DCBLD2: variants seen among roughly 807,000 people sequenced by gnomAD.
DCBLD2 encodes the protein discoidin, CUB and LCCL domain containing 2.
DCBLD2 carries 54 observed loss-of-function variants against 86.8 expected under a neutral mutation model. The ratio of observed to expected loss-of-function variants is 0.62; its 90% CI spans 0.50 to 0.78. DCBLD2 has a LOEUF of 0.78. Among genes scored for constraint, DCBLD2 ranks in the 30% least tolerant of loss-of-function variants. DCBLD2 has a pLI of 0.00. For missense variants in DCBLD2, 908 were observed against 954.2 expected, an observed-to-expected ratio of 0.95 and a Z score of 0.64; for synonymous variants, 354 against 341.3, an observed-to-expected ratio of 1.04 and a Z score of -0.41.
At chr3:98,841,158 A>G (rs563409161) in intron 3 of DCBLD2, among the ~76,000 whole-genome samples, 1 of 152,344 alleles carries the variant, frequency 6.6e-6, no homozygotes, top group Admixed American at 6.5e-5. Flanking sequence ...TGTCCAGAGC[A>G]GGCAGATCTC....
intron 1 of DCBLD2, among the ~76,000 whole-genome samples, chr3:98,896,308 T>G (rs1943749091): frequency 6.6e-6 from 1 of 152,188 alleles, no homozygotes; most frequent in South Asian, 2.1e-4. Context: ...AACTGAAAAA[T>G]TAGCCTGATA....
intron 2 of DCBLD2, among the ~76,000 whole-genome samples, chr3:98,865,249 G>A (rs1330997767): frequency 6.6e-6 from 1 of 151,652 alleles, no homozygotes; most frequent in Non-Finnish European, 1.5e-5. Flanking sequence ...AAGGAAATGT[G>A]GTATATGAAC....
chr3:98,890,883 CAA>C (rs1229042438), intron 1 of DCBLD2, among the ~76,000 whole-genome samples: 1 of 152,016 alleles, frequency 6.6e-6, no homozygotes, highest in Non-Finnish European at 1.5e-5. Flanking sequence ...GAGAAAGCTC[CAA>C]AGTCTTCAAT....
intron 1 of DCBLD2, among the ~76,000 whole-genome samples, chr3:98,893,510 C>A (rs1458486503): frequency 6.6e-6 from 1 of 151,900 alleles, no homozygotes; most frequent in Non-Finnish European, 1.5e-5. Context: ...AGAAACAAAA[C>A]CCTTGCTTTT....
intron 13 of DCBLD2, among the ~76,000 whole-genome samples, chr3:98,802,559 T>C (rs1941748795): frequency 6.6e-6 from 1 of 152,238 alleles, no homozygotes; most frequent in Non-Finnish European, 1.5e-5. Context: ...TTTAGTTTAA[T>C]TAGATCCCAT....
At chr3:98,807,877 CT>C (rs1304499372) in intron 13 of DCBLD2, 4 of 355,336 alleles carry the variant, frequency 1.1e-5, no homozygotes, top group Non-Finnish European at 2.0e-5. Context: ...TAATGCAGAA[CT>C]TGATACAAAA....
chr3:98,805,817 CA>C (rs915616883), intron 13 of DCBLD2, among the ~76,000 whole-genome samples: 2 of 152,166 alleles, frequency 1.3e-5, no homozygotes, highest in Admixed American at 1.3e-4. Flanking sequence ...GCCCTCTCAA[CA>C]GCGGCACTCC....
chr3:98,807,917 G>C (rs951479913), intron 13 of DCBLD2, 164 bp downstream of exon 13: 1 of 442,466 alleles, frequency 2.3e-6, no homozygotes, highest in Non-Finnish European at 3.8e-6. Context: ...TTGTGGAATT[G>C]AACTTATTTA....
Position 98,812,473 on chromosome 3 carries a change from C to T in DCBLD2, c.1222G>A (p.Gly408Arg). 6.2e-7 allele frequency: 1 copy of T among 1,611,408 alleles called. No homozygotes were observed. The highest frequency in any genetic ancestry group is 1.7e-5 in the Admixed American group (1 of 59,440). Residue 408 changes from glycine to arginine, a missense_variant, in exon 10 of 16, where the codon GGA (glycine) becomes AGA (arginine). Physicochemically the swap from Gly to Arg is moderately radical, Grantham distance 125 (BLOSUM62 -2). Around this residue, in one of 3 missense-constraint regions of DCBLD2, gnomAD observed 606 missense variants for 678.5 expected, o/e 0.89. Coordinates refer to ENST00000326840, the MANE Select transcript of DCBLD2 (RefSeq NM_080927.4). ...PGVEQDKIFQ[G>R]NKDYHQDVRN... ...ACATCCTGGTGATAATCTTTGTTTCCTTGAAATATCTTTAAAAAAACAACA... is the reference window on the plus strand; with the variant it reads ...ACATCCTGGTGATAATCTTTGTTTCTTTGAAATATCTTTAAAAAAACAACA...
chr3:98,805,259 G>C (rs1403664644), intron 13 of DCBLD2, among the ~76,000 whole-genome samples: 1 of 152,014 alleles, frequency 6.6e-6, no homozygotes, highest in Non-Finnish European at 1.5e-5. Flanking sequence ...AAGATAATGA[G>C]TGTTGAAGAT....
intron 2 of DCBLD2, among the ~76,000 whole-genome samples, chr3:98,879,070 T>C (rs770832076): frequency 6.6e-6 from 1 of 152,220 alleles, no homozygotes. Flanking sequence ...AGTGCCACTA[T>C]GTATTATCTA....
rs774989808 is a variant in DCBLD2 at position 98,849,530 on chromosome 3, G to C, written c.502C>G (p.Leu168Val). The stretch of plus-strand genomic sequence containing the variant: ...GAAACATGGATTCCACTCATGAACA[G>C]CAATGTGATTTCATTGCCTTTTGAT... ...IESKGNEITLLFMSGIHVSGR... is the reference protein window; with the variant it reads ...IESKGNEITLVFMSGIHVSGR... Residue 168 changes from leucine (L) to valine (V), a missense_variant, in exon 3 of 16, where the codon CTG becomes GTG. Physicochemically the swap from Leu to Val is conservative, Grantham distance 32 (BLOSUM62 1). Transcript: ENST00000326840. 6.2e-7 allele frequency: 1 copy of C among 1,613,880 alleles called. No individual in the cohort carries two copies. Among genetic ancestry groups the C allele is most frequent in the South Asian group, 1.1e-5 (1 of 91,066 alleles).
intron 3 of DCBLD2, among the ~76,000 whole-genome samples, chr3:98,828,616 T>TG (rs1043386698): frequency 5.9e-5 from 9 of 152,168 alleles, no homozygotes; most frequent in African/African-American, 2.2e-4. Flanking sequence ...AATTGTAAAA[T>TG]GGTGCAACTG....
chr3:98,823,746 T>C (rs1290835687), intron 4 of DCBLD2, among the ~76,000 whole-genome samples: 1 of 152,200 alleles, frequency 6.6e-6, no homozygotes, highest in Non-Finnish European at 1.5e-5. Context: ...CTTTAGGTAA[T>C]CCATATAAGA....
At chr3:98,806,262 T>A (rs1052965181) in intron 13 of DCBLD2, among the ~76,000 whole-genome samples, 1 of 152,182 alleles carries the variant, frequency 6.6e-6, no homozygotes, top group African/African-American at 2.4e-5. Context: ...TTTCCTAAAT[T>A]TTTAAATCAC....
chr3:98,837,779 G>C (rs1251594531), intron 3 of DCBLD2, among the ~76,000 whole-genome samples: 1 of 107,710 alleles, frequency 9.3e-6, no homozygotes, highest in Non-Finnish European at 1.9e-5. Context: ...GGGCAGAGGC[G>C]CCCCTCACCT....
intron 2 of DCBLD2, among the ~76,000 whole-genome samples, chr3:98,850,855 G>A (rs13320890): frequency 0.034 from 5,121 of 152,210 alleles, 117 homozygotes; most frequent in Middle Eastern, 0.065. Flanking sequence ...AATCTGAAAT[G>A]AAATTTTTAA....
intron 3 of DCBLD2, among the ~76,000 whole-genome samples, chr3:98,838,598 G>A (rs1576173536): frequency 1.3e-5 from 2 of 151,116 alleles, no homozygotes; most frequent in South Asian, 2.1e-4. Flanking sequence ...TCACATCCCA[G>A]ACGATGGGCG....
intron 12 of DCBLD2, among the ~76,000 whole-genome samples, chr3:98,810,537 T>A (rs1941920762): frequency 6.6e-6 from 1 of 152,222 alleles, no homozygotes; most frequent in Admixed American, 6.5e-5. Context: ...TAGTCTACTA[T>A]GACACTGACA....
Sources: gnomAD v4.1 joint callset for allele counts (sites outside exome capture counted in the v4.1 genomes callset) on GRCh38, gnomAD v4.1.1 for gene constraint, gnomAD v4.1.1 regional missense constraint, MANE v1.5 for transcripts, NCBI Gene and HGNC (gene_info 2026-07-23, HGNC 2026-07-21) for gene names.